The following FAM53B variants were observed in gnomAD, a reference collection of about 807,000 sequenced individuals.
FAM53B encodes the protein protein FAM53B.
A neutral mutation model predicts 32.7 loss-of-function variants in FAM53B; 12 were observed. The observed-to-expected ratio is 0.37, with a 90% CI of 0.24 to 0.59. FAM53B has a LOEUF of 0.59. FAM53B is among the 20% of genes least tolerant of loss of function. FAM53B has a pLI of 0.72. For missense variants in FAM53B, 477 were observed against 577.7 expected, an observed-to-expected ratio of 0.83 and a Z score of 1.79; for synonymous variants, 234 against 228.7, an observed-to-expected ratio of 1.02 and a Z score of -0.21.
intron 3 of FAM53B, among the ~76,000 whole-genome samples, chr10:124,689,194 A>G (rs745474142): frequency 6.6e-6 from 1 of 152,166 alleles, no homozygotes; most frequent in Admixed American, 6.5e-5. Flanking sequence ...CAACCCATCA[A>G]TGGGAAAATC....
chr10:124,742,529 G>A (rs951732791), intron 1 of FAM53B: 5 of 152,244 alleles, frequency 3.3e-5, no homozygotes, highest in Admixed American at 3.3e-4. Flanking sequence ...GCCAGCCGGT[G>A]GGGACTGCTG....
chr10:124,647,731 C>T (rs1272857207), intron 4 of FAM53B, among the ~76,000 whole-genome samples: 1 of 152,182 alleles, frequency 6.6e-6, no homozygotes, highest in Non-Finnish European at 1.5e-5. Flanking sequence ...ACCCCCTCCC[C>T]CAGGGCACCT....
At chr10:124,711,295 G>A (rs1365110368) in intron 1 of FAM53B, among the ~76,000 whole-genome samples, 1 of 152,086 alleles carries the variant, frequency 6.6e-6, no homozygotes, top group East Asian at 1.9e-4. Flanking sequence ...GAGATGAATG[G>A]CTGTCAGGGG....
intron 1 of FAM53B, among the ~76,000 whole-genome samples, chr10:124,720,680 A>T (rs1950063691): frequency 6.6e-6 from 1 of 152,206 alleles, no homozygotes; most frequent in African/African-American, 2.4e-5. Context: ...GTACTCATTC[A>T]TTCAACAAAC....
In FAM53B at chr10:124,696,145, C is replaced by T. The variant is rs770499081; in HGVS notation, c.133+13G>A. On this transcript the variant is annotated intron_variant, in intron 3 of 4. Transcript: ENST00000337318. ...CTAGGAGGACAGCTTCCAGGATGGCCTTGAGTACTTACCCATAATTCCACA... is the reference window on the plus strand; with the variant it reads ...CTAGGAGGACAGCTTCCAGGATGGCTTTGAGTACTTACCCATAATTCCACA... 5.0e-6 allele frequency: 8 copies of T among 1,612,312 alleles called. No individual in the cohort carries two copies. Among genetic ancestry groups the T allele is most frequent in the Admixed American group, 1.7e-5 (1 of 60,016 alleles).
chr10:124,706,978 G>T, intron 1 of FAM53B, 91 bp from the exon 2 acceptor site: 1 of 1,219,678 alleles, frequency 8.2e-7, no homozygotes, highest in Non-Finnish European at 1.1e-6. Context: ...GAAATCCCAG[G>T]GGACTGGAAC....
chr10:124,712,840 GC>G (rs1950013544), intron 1 of FAM53B, among the ~76,000 whole-genome samples: 1 of 152,210 alleles, frequency 6.6e-6, no homozygotes, highest in African/African-American at 2.4e-5. Flanking sequence ...ACTGAAAAGA[GC>G]AAAAGGCAAG....
At chr10:124,728,835 T>G (rs930026111) in intron 1 of FAM53B, among the ~76,000 whole-genome samples, 1 of 152,210 alleles carries the variant, frequency 6.6e-6, no homozygotes, top group Non-Finnish European at 1.5e-5. Flanking sequence ...AGGGAACCCA[T>G]GCAGAGGAGC....
intron 4 of FAM53B, among the ~76,000 whole-genome samples, chr10:124,654,764 C>T (rs1472330022): frequency 1.3e-5 from 2 of 152,088 alleles, no homozygotes; most frequent in Non-Finnish European, 1.5e-5. Context: ...AGGCCTGGGA[C>T]CTTCTGCTCC....
At chr10:124,740,181 A>C (rs1021543901) in intron 1 of FAM53B, among the ~76,000 whole-genome samples, 2 of 152,164 alleles carry the variant, frequency 1.3e-5, no homozygotes, top group African/African-American at 2.4e-5. Flanking sequence ...ACTTTCTTAG[A>C]TAAGAATCCG....
Position 124,626,389 on chromosome 10 carries a change from C to G in FAM53B, c.907-2785G>C, listed in dbSNP as rs1326075534. Among the ~76,000 whole-genome samples, 6 of 46,036 alleles carry G rather than the reference C, an allele frequency of 1.3e-4. No homozygotes were observed. The South Asian group carries it at 1.8e-3, about 14-fold the overall frequency. The allele number at this position is 46,036 out of a possible 152,430, so 30.2% of individuals were successfully genotyped here. ...CGTGGTGCTACGGTCGAAATTTGTG[C>G]CCCCCCCCCCCCCACCATTCCTCAG... On this transcript the variant is annotated intron_variant, in intron 4 of 4. Coordinates refer to ENST00000337318, the MANE Select transcript of FAM53B (RefSeq NM_014661.4).
chr10:124,739,812 TG>T (rs1409048884), intron 1 of FAM53B, among the ~76,000 whole-genome samples: 1 of 152,122 alleles, frequency 6.6e-6, no homozygotes, highest in Non-Finnish European at 1.5e-5. Context: ...TGACGTGATG[TG>T]AAATTCTACA....
rs185751450 is a variant in FAM53B, at chr10:124,700,149, C to A, written c.79-3937G>T. Among the ~76,000 whole-genome samples, 5 of 152,346 alleles carry A rather than the reference C, an allele frequency of 3.3e-5. No individual in the cohort carries two copies. The East Asian group carries it at 9.7e-4, about 29-fold the overall frequency. On this transcript the variant is annotated intron_variant, in intron 2 of 4. Coordinates refer to ENST00000337318, the MANE Select transcript of FAM53B (RefSeq NM_014661.4). ...TTCCAGGGTGCCAGGCCCCAGTGTA[C>A]CCTGACCGCTGGCAGGTTTCCCTGG...
At chr10:124,717,913 G>A (rs1468824360) in intron 1 of FAM53B, among the ~76,000 whole-genome samples, 1 of 152,034 alleles carries the variant, frequency 6.6e-6, no homozygotes, top group African/African-American at 2.4e-5. Flanking sequence ...TCTCCTGCAG[G>A]ACAATCCACC....
At chr10:124,667,812 A>G (rs1310238510) in intron 4 of FAM53B, among the ~76,000 whole-genome samples, 1 of 152,198 alleles carries the variant, frequency 6.6e-6, no homozygotes, top group African/African-American at 2.4e-5. Context: ...ACAAAATAAG[A>G]TCAAGAACAC....
intron 4 of FAM53B, among the ~76,000 whole-genome samples, chr10:124,628,408 C>G (rs950614624): frequency 1.3e-5 from 2 of 152,186 alleles, no homozygotes; most frequent in Admixed American, 6.5e-5. Context: ...ATTCTCACCC[C>G]CTGGGCCCTG....
chr10:124,669,417 C>T (rs1006407296), intron 4 of FAM53B, among the ~76,000 whole-genome samples: 2 of 152,204 alleles, frequency 1.3e-5, no homozygotes, highest in Admixed American at 1.3e-4. Context: ...CCGGCTTTAC[C>T]AGCCTGCTCA....
intron 4 of FAM53B, among the ~76,000 whole-genome samples, chr10:124,626,232 C>T (rs961545231): frequency 1.4e-4 from 22 of 152,256 alleles, no homozygotes; most frequent in African/African-American, 4.8e-4. Context: ...GGACAGACGC[C>T]GCACAGCGCT....
intron 4 of FAM53B, among the ~76,000 whole-genome samples, chr10:124,648,739 G>C (rs1949536901): frequency 6.6e-6 from 1 of 152,264 alleles, no homozygotes; most frequent in African/African-American, 2.4e-5. Flanking sequence ...AGGTCCTACA[G>C]ATGAAACAGA....
Sources: gnomAD v4.1 joint callset for allele counts (sites outside exome capture counted in the v4.1 genomes callset) on GRCh38, gnomAD v4.1.1 for gene constraint, MANE v1.5 for transcripts, NCBI Gene and HGNC (gene_info 2026-07-23, HGNC 2026-07-21) for gene names.